AAK1: variants seen among roughly 807,000 people sequenced by gnomAD.
AAK1 encodes the protein AP2 associated kinase 1.
A neutral mutation model predicts 116.0 loss-of-function variants in AAK1; 37 were observed. The ratio of observed to expected loss-of-function variants is 0.32; its 90% confidence interval spans 0.25 to 0.42. The LOEUF (loss-of-function observed/expected upper bound fraction) is 0.42. Ranked by LOEUF, AAK1 falls within the 10% of genes least tolerant of loss-of-function variation. AAK1 has a pLI of 1.00. For synonymous variants in AAK1, 458 were observed against 439.9 expected, an observed-to-expected ratio of 1.04 and a Z score of -0.51; for missense variants, 919 against 1,170.6, an observed-to-expected ratio of 0.79 and a Z score of 3.14.
intron 10 of AAK1, among the ~76,000 whole-genome samples, chr2:69,524,481 C>T (rs1438767576): frequency 6.6e-6 from 1 of 151,960 alleles, no homozygotes; most frequent in African/African-American, 2.4e-5. Flanking sequence ...GTCGCCCGGG[C>T]TAGAGTGCGG....
At chr2:69,632,369 T>C (rs1675223826) in intron 2 of AAK1, among the ~76,000 whole-genome samples, 1 of 152,242 alleles carries the variant, frequency 6.6e-6, no homozygotes, top group African/African-American at 2.4e-5. Flanking sequence ...GTATGTATTA[T>C]ATAATTCTGG....
intron 2 of AAK1, among the ~76,000 whole-genome samples, chr2:69,595,742 A>C (rs1368349486): frequency 6.6e-6 from 1 of 152,242 alleles, no homozygotes; most frequent in Non-Finnish European, 1.5e-5. Flanking sequence ...GGCTTCACTA[A>C]ACAACAGATT....
chr2:69,601,550 C>G (rs1163657698), intron 2 of AAK1, among the ~76,000 whole-genome samples: 1 of 152,208 alleles, frequency 6.6e-6, no homozygotes, highest in Non-Finnish European at 1.5e-5. Flanking sequence ...ATCTTGAGCC[C>G]TGGGTGACCA....
intron 2 of AAK1, among the ~76,000 whole-genome samples, chr2:69,600,058 A>C (rs1448240525): frequency 4.0e-5 from 6 of 151,752 alleles, no homozygotes; most frequent in Non-Finnish European, 8.8e-5. Context: ...CTAGAATTAC[A>C]GGCATGAGCC....
At chr2:69,507,706 T>G in intron 14 of AAK1, 128 bp from the exon 15 acceptor site, 1 of 926,672 alleles carries the variant, frequency 1.1e-6, no homozygotes, top group Non-Finnish European at 1.5e-6. Context: ...TCCACCACAG[T>G]ATTTTTTTTT....
intron 16 of AAK1, among the ~76,000 whole-genome samples, chr2:69,497,723 T>G (rs1348193383): frequency 6.6e-6 from 1 of 152,076 alleles, no homozygotes; most frequent in Non-Finnish European, 1.5e-5. Context: ...TAAAGTGGGT[T>G]TTTAAAAAAC....
chr2:69,537,542 G>A (rs17036751), intron 5 of AAK1, among the ~76,000 whole-genome samples: 8,041 of 152,220 alleles, frequency 0.053, 559 homozygotes, highest in African/African-American at 0.16. Context: ...CCTTCTCACC[G>A]AATGGAAATC....
chr2:69,590,386 AGAG>A (rs1558985233), intron 2 of AAK1, among the ~76,000 whole-genome samples: 1 of 152,236 alleles, frequency 6.6e-6, no homozygotes, highest in Non-Finnish European at 1.5e-5. Flanking sequence ...GCCTGAGAAC[AGAG>A]GAGAGCACAC....
intron 2 of AAK1, chr2:69,598,427 A>T (rs1673403423): frequency 7.3e-6 from 2 of 273,208 alleles, no homozygotes; most frequent in African/African-American, 2.2e-5. Flanking sequence ...TGTAAAACCC[A>T]TTAAGTTTGA....
chr2:69,539,138 G>A (rs906861695), intron 5 of AAK1, among the ~76,000 whole-genome samples: 28 of 152,202 alleles, frequency 1.8e-4, no homozygotes, highest in Non-Finnish European at 4.0e-4. Context: ...GGAGAGGCTA[G>A]TGATTTGAGA....
At chr2:69,505,429 C>A (rs1676146083) in intron 16 of AAK1, 140 bp downstream of exon 16, 2 of 421,560 alleles carry the variant, frequency 4.7e-6, no homozygotes, top group Non-Finnish European at 4.1e-6. Context: ...ATTAAATAGA[C>A]CATGAAAAAC....
At chr2:69,491,409 G>A (rs1675517674) in intron 17 of AAK1, among the ~76,000 whole-genome samples, 1 of 152,106 alleles carries the variant, frequency 6.6e-6, no homozygotes, top group Non-Finnish European at 1.5e-5. Flanking sequence ...AAATGTTCAT[G>A]GCTATGATTT....
rs1337358623 is a variant in AAK1 at position 69,543,569 on chromosome 2, A to T, written c.391+867T>A. On this transcript the variant is annotated intron_variant, in intron 4 of 21. Transcript: ENST00000409085. ...ATTACAGGTGCGCACCACCATGCCC[A>T]GCTAATTTTTGTATTTTTAGTAGAA... Among the ~76,000 whole-genome samples the T allele has an allele frequency of 3.3e-5, 5 of 151,976 alleles. No individual in the cohort carries two copies. The South Asian group carries it at 1.0e-3, about 32-fold the overall frequency.
In AAK1 at chr2:69,465,429, G is replaced by A; in HGVS notation, c.*10440C>T. ...CTTGAGGCTCAGGTTTTGCTCCTAG[G>A]GTTTCTTGCCTGATTTTGAAGGGAA... On this transcript the variant is annotated 3_prime_UTR_variant, in exon 22 of 22. Transcript: ENST00000409085. 1.6e-6 allele frequency: 2 copies of A among 1,285,950 alleles called. No homozygotes were observed. The highest frequency in any genetic ancestry group is 2.2e-4 in the Middle Eastern group (1 of 4,596). 79.7% of individuals were successfully genotyped at this position (1,285,950 alleles called of 1,614,324 possible). A position where few individuals can be genotyped will look rare whatever the true frequency, so the allele number is the denominator to read the frequency against.
chr2:69,482,678 G>C lies in AAK1; in HGVS notation c.2467+33C>G, dbSNP rs115882971. 8 of 1,518,296 alleles carry C rather than the reference G, an allele frequency of 5.3e-6. No homozygotes were observed. In the Admixed American group the frequency reaches 1.3e-4, roughly 26 times the overall value. The allele number at this position is 1,518,296 out of a possible 1,614,324, so 94.1% of individuals were successfully genotyped here. On this transcript the variant is annotated intron_variant, in intron 18 of 21. Transcript: ENST00000409085. The stretch of plus-strand genomic sequence containing the variant: ...TTCTTGAAACAGGCACACATATCAT[G>C]CATGACTGAAGAAACAGAGATGATG...
intron 17 of AAK1, among the ~76,000 whole-genome samples, chr2:69,493,038 T>TA (rs1227060045): frequency 1.3e-5 from 2 of 149,940 alleles, no homozygotes; most frequent in Non-Finnish European, 3.0e-5. Context: ...TCAAAAATGT[T>TA]AAAAAAGGAT....
At chr2:69,595,213 A>T (rs1349532352) in intron 2 of AAK1, among the ~76,000 whole-genome samples, 1 of 152,158 alleles carries the variant, frequency 6.6e-6, no homozygotes, top group Non-Finnish European at 1.5e-5. Context: ...CCCAGGTTCA[A>T]GCGATTCTCC....
At chr2:69,484,588 T>A (rs141477648) in intron 17 of AAK1, among the ~76,000 whole-genome samples, 2 of 151,656 alleles carry the variant, frequency 1.3e-5, no homozygotes, top group African/African-American at 4.8e-5. Flanking sequence ...AGGACAGGAG[T>A]TCGAGACCAG....
chr2:69,594,717 T>C (rs1189027535), intron 2 of AAK1: 1 of 700,368 alleles, frequency 1.4e-6, no homozygotes, highest in African/African-American at 1.8e-5. Flanking sequence ...TTTATTGTCT[T>C]CATAATAAAA....
Sources: allele counts gnomAD v4.1 joint callset (sites outside exome capture counted in the v4.1 genomes callset), GRCh38; gene constraint gnomAD v4.1.1; transcripts MANE v1.5; gene names NCBI Gene and HGNC (gene_info 2026-07-23, HGNC 2026-07-21).